The following AMZ2 variants were observed in gnomAD, a reference collection of about 807,000 sequenced individuals.
The protein encoded by AMZ2 is archaelysin family metallopeptidase 2.
Under a neutral mutation model 36.7 loss-of-function variants are expected in AMZ2, and 26 were observed. That is an observed-to-expected ratio of 0.71 (90% confidence interval 0.52 to 0.98). The LOEUF (loss-of-function observed/expected upper bound fraction) is 0.98, where lower values mean the gene tolerates loss of function less well. AMZ2 is among the 50% of genes least tolerant of loss of function. The probability of loss-of-function intolerance (pLI) is 0.00; values close to 1 mark genes in which losing one functional copy is unlikely to be tolerated. For synonymous variants in AMZ2, 144 were observed against 149.1 expected (o/e 0.97, Z 0.25); for missense variants, 394 against 430.5 (o/e 0.92, Z 0.75).
chr17:68,218,448 C>T (rs754972146), intron 1 of AMZ2, among the ~76,000 whole-genome samples: 2 of 152,076 alleles, frequency 1.3e-5, no homozygotes, highest in African/African-American at 2.4e-5. Context: ...CTTGGCCTCC[C>T]GAAGTGCTAG....
intron 1 of AMZ2, among the ~76,000 whole-genome samples, chr17:68,222,262 C>T (rs2362735): frequency 1 from 151,666 of 152,318 alleles, 75,511 homozygotes; most frequent in Middle Eastern, 1. Flanking sequence ...TGAGGTCCCT[C>T]TGGGGTATCT....
At chr17:68,246,270 A>C (rs1337235356), upstream of AMZ2, among the ~76,000 whole-genome samples, 1 of 150,776 alleles carries the variant, frequency 6.6e-6, no homozygotes, top group East Asian at 2.0e-4. Context: ...CTGTAGACTG[A>C]GGCACGAGAA....
intron 1 of AMZ2, among the ~76,000 whole-genome samples, chr17:68,218,770 T>C (rs1413986213): frequency 6.6e-6 from 1 of 152,206 alleles, no homozygotes; most frequent in Non-Finnish European, 1.5e-5. Context: ...TCTAGTGTTC[T>C]CATCTTAGTA....
intron 1 of AMZ2, among the ~76,000 whole-genome samples, chr17:68,214,263 C>T (rs1218363020): frequency 6.6e-6 from 1 of 152,082 alleles, no homozygotes; most frequent in Non-Finnish European, 1.5e-5. Flanking sequence ...TGGGGGAAAT[C>T]CCTCTTGTCA....
At chr17:68,208,812 A>T (rs781805454) in intron 1 of AMZ2, among the ~76,000 whole-genome samples, 26 of 151,996 alleles carry the variant, frequency 1.7e-4, no homozygotes, top group Non-Finnish European at 2.8e-4. Context: ...TCGCCTTAAG[A>T]GCGGTAACAC....
At chr17:68,210,501 TAGA>T (rs1210788200) in intron 1 of AMZ2, among the ~76,000 whole-genome samples, 1 of 152,074 alleles carries the variant, frequency 6.6e-6, no homozygotes, top group Non-Finnish European at 1.5e-5. Context: ...AGACAGAAAG[TAGA>T]AGGGTGATTA....
intron 1 of AMZ2, among the ~76,000 whole-genome samples, chr17:68,212,378 GA>G (rs111521326): frequency 2.0e-5 from 3 of 150,342 alleles, no homozygotes; most frequent in African/African-American, 4.9e-5. Flanking sequence ...TTTCAAAGAA[GA>G]AAAAAAAATC....
intron 1 of AMZ2, among the ~76,000 whole-genome samples, chr17:68,222,317 GATAA>G (rs781980916): frequency 5.9e-5 from 9 of 152,196 alleles, no homozygotes; most frequent in Admixed American, 2.6e-4. Context: ...GGAGAGGTCT[GATAA>G]ATAAAAGCAC....
At chr17:68,250,062 A>G in intron 1 of AMZ2, 126 bp from the exon 2 acceptor site, 9 of 1,008,384 alleles carry the variant, frequency 8.9e-6, no homozygotes, top group Non-Finnish European at 1.3e-5. Context: ...AAGTGTGACC[A>G]CTCTAAAGCA....
At chr17:68,248,795 C>T (rs1285203322) in intron 1 of AMZ2, 90 bp downstream of exon 1, 2 of 983,546 alleles carry the variant, frequency 2.0e-6, no homozygotes, top group Non-Finnish European at 2.4e-6. Flanking sequence ...TGAGGATGAG[C>T]CTATGCTTAT....
chr17:68,210,152 G>A (rs1434591505), intron 1 of AMZ2, among the ~76,000 whole-genome samples: 3 of 152,132 alleles, frequency 2.0e-5, no homozygotes, highest in Non-Finnish European at 4.4e-5. Context: ...TAAACTTAGA[G>A]CTACTATATG....
At position 68,229,185 on chromosome 17, in the gene AMZ2, C is replaced by T. The variant is rs1475700398; in HGVS notation, c.-66-19455C>T. ...ATTGCCTGGAAGGTAGGGGACGTCA[C>T]GGTGCTTTGTGCAGTAGAGGTAGCC... is the stretch of plus-strand genomic sequence containing the variant. On this transcript the variant is annotated intron_variant, in intron 1 of 7. Coordinates refer to the AMZ2 transcript ENST00000674770. Among the ~76,000 whole-genome samples, 2 of 152,224 alleles carry T rather than the reference C, an allele frequency of 1.3e-5. 1 individual carries two copies. The highest frequency in any genetic ancestry group is 4.1e-4 in the South Asian group (2 of 4,830).
At chr17:68,249,279 G>GAGT (rs1329527032) in intron 1 of AMZ2, 1 of 260,042 alleles carries the variant, frequency 3.8e-6, no homozygotes, top group Non-Finnish European at 6.9e-6. Flanking sequence ...TAGAAACGAT[G>GAGT]AGTATTTTTC....
intron 1 of AMZ2, among the ~76,000 whole-genome samples, chr17:68,226,657 G>C (rs2073524093): frequency 6.6e-6 from 1 of 152,174 alleles, no homozygotes; most frequent in Admixed American, 6.5e-5. Context: ...CTGGTGGAGG[G>C]CAGGCATCAT....
At chr17:68,226,884 TG>T (rs1555730042) in intron 1 of AMZ2, among the ~76,000 whole-genome samples, 1 of 149,260 alleles carries the variant, frequency 6.7e-6, no homozygotes, top group Non-Finnish European at 1.5e-5. Flanking sequence ...CCTTAAGACT[TG>T]GAGCAAGCTG....
intron 1 of AMZ2, among the ~76,000 whole-genome samples, chr17:68,234,429 C>CA (rs879946228): frequency 0.014 from 1,899 of 134,548 alleles, 34 homozygotes; most frequent in African/African-American, 0.044. Flanking sequence ...GACCTTGTCT[C>CA]AAAAAAAAAA....
chr17:68,208,641 G>A (rs2072919597), intron 1 of AMZ2, among the ~76,000 whole-genome samples: 2 of 152,182 alleles, frequency 1.3e-5, no homozygotes, highest in South Asian at 4.1e-4. Flanking sequence ...CATTGTGGAA[G>A]CTTTGTTCTT....
At position 68,238,586 on chromosome 17, in the gene AMZ2, T is replaced by TACAC. The variant is rs10528850; in HGVS notation, c.-66-10040_-66-10037dup. ...GCATATAGATATACACACACATATGTACACACACACACACACAATCAGATT... is the reference window on the plus strand; with the variant it reads ...GCATATAGATATACACACACATATGTACACACACACACACACACACAATCAGATT... On this transcript the variant is annotated intron_variant, in intron 1 of 7. Coordinates refer to the AMZ2 transcript ENST00000674770. Among the ~76,000 whole-genome samples, 65 of 150,998 alleles carry TACAC rather than the reference T, an allele frequency of 4.3e-4. 2 individuals are homozygous for TACAC. The East Asian group carries it at 6.8e-3, about 16-fold the overall frequency.
intron 1 of AMZ2, among the ~76,000 whole-genome samples, chr17:68,221,958 T>C (rs1183273598): frequency 6.6e-5 from 10 of 151,872 alleles, no homozygotes; most frequent in Admixed American, 6.6e-4. Context: ...CCAGTGAGGG[T>C]GACAAATGGC....
Sources: allele counts gnomAD v4.1 joint callset (sites outside exome capture counted in the v4.1 genomes callset), GRCh38; gene constraint gnomAD v4.1.1; transcripts MANE v1.5; gene names NCBI Gene and HGNC (gene_info 2026-07-23, HGNC 2026-07-21).